The following MTHFD1L variants were observed in gnomAD, a reference collection of about 807,000 sequenced individuals.
MTHFD1L encodes monofunctional C1-tetrahydrofolate synthase, mitochondrial.
A neutral mutation model predicts 119.5 loss-of-function variants in MTHFD1L; 81 were observed. That is an observed-to-expected ratio of 0.68 (90% CI 0.57 to 0.82). MTHFD1L has a LOEUF of 0.82. MTHFD1L is among the 40% of genes least tolerant of loss of function. MTHFD1L has a pLI of 0.00. For synonymous variants in MTHFD1L, 430 were observed against 475.2 expected, an observed-to-expected ratio of 0.90 and a Z score of 1.24; for missense variants, 1,125 against 1,253.4, an observed-to-expected ratio of 0.90 and a Z score of 1.55.
At chr6:151,056,320 ACCCTGCTGG>A (rs1789915403) in intron 26 of MTHFD1L, among the ~76,000 whole-genome samples, 2 of 152,124 alleles carry the variant, frequency 1.3e-5, no homozygotes, top group Non-Finnish European at 2.9e-5. Context: ...AGTATTGTCA[ACCCTGCTGG>A]CCAAGTGACT....
chr6:150,947,007 G>A (rs967913828), intron 15 of MTHFD1L, among the ~76,000 whole-genome samples: 13 of 151,118 alleles, frequency 8.6e-5, no homozygotes, highest in Admixed American at 6.6e-4. Context: ...CCCAGGAGGC[G>A]GAGCTTGCAG....
intron 20 of MTHFD1L, among the ~76,000 whole-genome samples, chr6:150,986,131 T>A (rs528409305): frequency 6.6e-6 from 1 of 152,320 alleles, no homozygotes; most frequent in African/African-American, 2.4e-5. Context: ...TTGTATATGT[T>A]ACTTTTACCC....
At chr6:150,909,283 A>G (rs916016531) in intron 8 of MTHFD1L, among the ~76,000 whole-genome samples, 4 of 151,120 alleles carry the variant, frequency 2.6e-5, no homozygotes, top group African/African-American at 9.7e-5. Flanking sequence ...AAAAAAAAAG[A>G]CAACCAAAAA....
chr6:151,090,746 C>T (rs2128649161), intron 26 of MTHFD1L, among the ~76,000 whole-genome samples: 1 of 152,374 alleles, frequency 6.6e-6, no homozygotes, highest in Non-Finnish European at 1.5e-5. Flanking sequence ...TGTTCTTGGC[C>T]AGGGCCTGTG....
At chr6:150,866,106 G>T in intron 1 of MTHFD1L, 57 bp downstream of exon 1, 1 of 1,470,526 alleles carries the variant, frequency 6.8e-7, no homozygotes, top group Non-Finnish European at 8.9e-7. Context: ...CCCGACCCAG[G>T]GGCGGAGCGC....
At chr6:150,870,255 T>G (rs1779172116) in intron 1 of MTHFD1L, among the ~76,000 whole-genome samples, 1 of 152,218 alleles carries the variant, frequency 6.6e-6, no homozygotes, top group African/African-American at 2.4e-5. Flanking sequence ...CATGAAAATC[T>G]CTGATTAGAA....
chr6:150,990,214 G>C (rs369898727), intron 20 of MTHFD1L, among the ~76,000 whole-genome samples: 13 of 151,914 alleles, frequency 8.6e-5, no homozygotes, highest in African/African-American at 3.1e-4. Flanking sequence ...GGGAGGCAGA[G>C]GTTGCAGTGA....
At position 150,964,855 on chromosome 6, in the gene MTHFD1L, G is replaced by C. The variant is rs936403605; in HGVS notation, c.1945-114G>C. 3 of 855,764 alleles carry C rather than the reference G, an allele frequency of 3.5e-6. No individual in the cohort carries two copies. The African/African-American group carries it at 5.0e-5, about 14-fold the overall frequency. The allele number at this position is 855,764 out of a possible 1,614,324, so 53.0% of individuals were successfully genotyped here. On this transcript the variant is annotated intron_variant, in intron 18 of 27. Coordinates refer to ENST00000367321, the MANE Select transcript of MTHFD1L (RefSeq NM_015440.5). Reference sequence around the variant, plus strand: ...CAGCAGCACTGTCCCCTGTGGCCCAGGGTTGCCTGTGGGGACGCCCACCCA... The same window carrying C: ...CAGCAGCACTGTCCCCTGTGGCCCACGGTTGCCTGTGGGGACGCCCACCCA...
chr6:151,021,985 G>T (rs563660820), intron 24 of MTHFD1L: 2 of 470,980 alleles, frequency 4.2e-6, no homozygotes, highest in East Asian at 1.4e-4. Context: ...AGACAGGATA[G>T]TGTTTGTTTT....
chr6:150,887,314 T>C (rs1782484405), intron 6 of MTHFD1L, among the ~76,000 whole-genome samples: 1 of 152,084 alleles, frequency 6.6e-6, no homozygotes, highest in Admixed American at 6.6e-5. Flanking sequence ...GGCTGGTGAG[T>C]TATAGTTACA....
intron 26 of MTHFD1L, among the ~76,000 whole-genome samples, chr6:151,065,829 G>T (rs1354457540): frequency 6.6e-6 from 1 of 152,216 alleles, no homozygotes; most frequent in African/African-American, 2.4e-5. Flanking sequence ...ACAAGACCAG[G>T]ATAGGAGTGC....
At position 150,877,676 on chromosome 6, in the gene MTHFD1L, G is replaced by T; in HGVS notation, c.355G>T (p.Ala119Ser). ...NLMQEINQNLAEEAGLNITHI... is the reference protein window; with the variant it reads ...NLMQEINQNLSEEAGLNITHI... ...GATGCAGGAAATCAACCAGAATTTGGCTGAGGAGGTGAGGACTGCTGCTTT... is the reference window on the plus strand; with the variant it reads ...GATGCAGGAAATCAACCAGAATTTGTCTGAGGAGGTGAGGACTGCTGCTTT... Residue 119 changes from alanine (A) to serine (S), a missense_variant, in exon 3 of 28, where the codon GCT becomes TCT. By Grantham distance (99) the Ala-to-Ser change is moderately conservative. Transcript: ENST00000367321. 6.2e-7 allele frequency: 1 copy of T among 1,614,156 alleles called. No homozygotes were observed. The highest frequency in any genetic ancestry group is 1.7e-5 in the Admixed American group (1 of 60,026).
At chr6:150,907,785 A>G (rs1246485351) in intron 8 of MTHFD1L, among the ~76,000 whole-genome samples, 3 of 152,318 alleles carry the variant, frequency 2.0e-5, no homozygotes, top group African/African-American at 4.8e-5. Context: ...AAATGATTCT[A>G]TAAGTAGAAT....
Position 150,935,000 on chromosome 6 carries a change from C to T in MTHFD1L, c.1257-1804C>T, listed in dbSNP as rs568737769. ...ATGGGCTATCAGACCAGACTTCTAT[C>T]CTGTCCAACCTGCCTTCATTCAGTC... On this transcript the variant is annotated intron_variant, in intron 11 of 27. Transcript: ENST00000367321. 2.7e-4 allele frequency: 436 copies of T among 1,600,976 alleles called. 1 individual carries two copies. The highest frequency in any genetic ancestry group is 5.0e-4 in the South Asian group (44 of 88,080).
chr6:150,906,490 C>G lies in MTHFD1L; in HGVS notation c.892+729C>G, dbSNP rs74380519. 4.6e-5 allele frequency among the ~76,000 whole-genome samples: 7 copies of G among 152,318 alleles called. No homozygotes were observed. In the East Asian group the frequency reaches 1.2e-3, roughly 25 times the overall value. ...CTGAGGCTAAGAAAGCCTTGGAGCA[C>G]ACCCAGGCCCTCAGCAAGTCCCTGA... On this transcript the variant is annotated intron_variant, in intron 8 of 27. Transcript: ENST00000367321.
chr6:151,087,788 C>T (rs1167552793), intron 26 of MTHFD1L, among the ~76,000 whole-genome samples: 1 of 152,136 alleles, frequency 6.6e-6, no homozygotes, highest in Non-Finnish European at 1.5e-5. Flanking sequence ...CATTCTTTCT[C>T]CAAAATGGAG....
At chr6:150,889,393 C>T (rs1394333426) in intron 7 of MTHFD1L, among the ~76,000 whole-genome samples, 5 of 151,966 alleles carry the variant, frequency 3.3e-5, no homozygotes, top group Non-Finnish European at 1.5e-5. Flanking sequence ...TTAAGAGACC[C>T]CAAAAGCACA....
chr6:151,013,681 T>C, intron 21 of MTHFD1L, 98 bp from the exon 22 acceptor site: 1 of 1,123,982 alleles, frequency 8.9e-7, no homozygotes, highest in South Asian at 1.3e-5. Context: ...AGAGGTACAT[T>C]TCTAAAAATT....
intron 11 of MTHFD1L, among the ~76,000 whole-genome samples, chr6:150,934,775 T>C (rs1791757079): frequency 6.6e-6 from 1 of 152,200 alleles, no homozygotes; most frequent in Admixed American, 6.5e-5. Flanking sequence ...CTTTAAATTT[T>C]TTAACGATGC....
Sources: gnomAD v4.1 joint callset for allele counts (sites outside exome capture counted in the v4.1 genomes callset) on GRCh38, gnomAD v4.1.1 for gene constraint, MANE v1.5 for transcripts, NCBI Gene and HGNC (gene_info 2026-07-23, HGNC 2026-07-21) for gene names.